TLL2: variants seen among roughly 807,000 people sequenced by gnomAD.
TLL2 encodes the protein tolloid-like protein 2.
A neutral mutation model predicts 123.0 loss-of-function variants in TLL2; 106 were observed. The observed-to-expected ratio is 0.86, with a 90% CI of 0.74 to 1.01. TLL2 has a LOEUF of 1.01. Ranked by LOEUF, TLL2 falls within the 50% of genes least tolerant of loss-of-function variation. The probability of loss-of-function intolerance (pLI) is 0.00; values close to 1 mark genes in which losing one functional copy is unlikely to be tolerated. For synonymous variants in TLL2, 494 were observed against 516.8 expected (o/e 0.96, Z 0.60); for missense variants, 1,332 against 1,336.7 (o/e 1.00, Z 0.06).
At chr10:96,487,300 C>T (rs1317202315) in intron 1 of TLL2, among the ~76,000 whole-genome samples, 2 of 152,176 alleles carry the variant, frequency 1.3e-5, no homozygotes, top group Admixed American at 6.5e-5. Context: ...CACTTTGCTC[C>T]TCCTGGTTCC....
chr10:96,392,406 A>C (rs1437884235), intron 13 of TLL2, among the ~76,000 whole-genome samples: 1 of 152,212 alleles, frequency 6.6e-6, no homozygotes, highest in Non-Finnish European at 1.5e-5. Context: ...ACTAAAAAAA[A>C]ATCATTCTGT....
intron 1 of TLL2, among the ~76,000 whole-genome samples, chr10:96,492,601 G>A (rs1352486701): frequency 6.6e-6 from 1 of 152,200 alleles, no homozygotes; most frequent in East Asian, 1.9e-4. Flanking sequence ...TCCAGCCTGG[G>A]CAACAAGAGC....
intron 10 of TLL2, among the ~76,000 whole-genome samples, chr10:96,400,243 TGA>T (rs1210328688): frequency 2.0e-5 from 3 of 151,100 alleles, no homozygotes; most frequent in African/African-American, 7.3e-5. Context: ...ACGAGAAAAC[TGA>T]GAGTCAGAGA....
Position 96,513,635 on chromosome 10 carries a change from C to T in TLL2, c.51G>A (p.Leu17=). ...LGALVSLLLL[L]PLPRGAGGLG... ...GTCCCCCGGCGCCGCGAGGCAGCGG[C>T]AGCAGCAGCAGCAGTGACACCAGGG... is the stretch of plus-strand genomic sequence containing the variant. Residue 17 remains leucine, a synonymous_variant, in exon 1 of 21, where the codon CTG becomes CTA. Transcript: ENST00000357947. 4 of 1,572,516 alleles carry T rather than the reference C, an allele frequency of 2.5e-6. No homozygotes were observed. The South Asian group carries it at 4.5e-5, about 18-fold the overall frequency.
At chr10:96,446,756 G>A (rs1184710415) in intron 2 of TLL2, among the ~76,000 whole-genome samples, 4 of 152,194 alleles carry the variant, frequency 2.6e-5, no homozygotes, top group South Asian at 2.1e-4. Flanking sequence ...ATGCTTGTAC[G>A]TGTTTGCTAG....
chr10:96,394,173 G>C (rs1846316179), intron 13 of TLL2, among the ~76,000 whole-genome samples: 2 of 152,156 alleles, frequency 1.3e-5, no homozygotes, highest in African/African-American at 4.8e-5. Context: ...AGGAGTCCTA[G>C]GAGAGGAGGG....
chr10:96,500,583 CA>C (rs1375596639), intron 1 of TLL2, among the ~76,000 whole-genome samples: 1 of 152,176 alleles, frequency 6.6e-6, no homozygotes. Context: ...CACCTGAGGT[CA>C]GGAGCTCGGG....
At chr10:96,453,639 C>T (rs1477497703) in intron 2 of TLL2, among the ~76,000 whole-genome samples, 2 of 152,058 alleles carry the variant, frequency 1.3e-5, no homozygotes, top group Admixed American at 6.5e-5. Flanking sequence ...TAGAACACTA[C>T]GTAACCTTTT....
chr10:96,445,650 G>A (rs531158372), intron 3 of TLL2, among the ~76,000 whole-genome samples: 30 of 152,256 alleles, frequency 2.0e-4, no homozygotes, highest in African/African-American at 7.0e-4. Context: ...GTCTTCAGGG[G>A]CTTCAACTCA....
chr10:96,370,147 GCCT>G lies in TLL2; in HGVS notation c.2828_2830del (p.Glu943del), dbSNP rs759428440. The G allele has an allele frequency of 9.3e-6, 15 of 1,614,006 alleles. No homozygotes were observed. The highest frequency in any genetic ancestry group is 1.3e-5 in the Non-Finnish European group (15 of 1,179,954). ...TTCCATGTAGTCGTAGCCGCAGTCGGCCTCCTCCTCAACCTCAAAGGTCCGGAA... is the reference window on the plus strand; with the variant it reads ...TTCCATGTAGTCGTAGCCGCAGTCGGCCTCCTCAACCTCAAAGGTCCGGAA... On this transcript the variant is annotated inframe_deletion, in exon 20 of 21. Transcript: ENST00000357947.
rs78759453 is a variant in TLL2, at chr10:96,443,420, A to C, written c.364+2671T>G. 1.4e-3 allele frequency among the ~76,000 whole-genome samples: 208 copies of C among 152,258 alleles called. 4 individuals are homozygous for C. The East Asian group carries it at 0.036, about 27-fold the overall frequency. ...AACTGAATGGTGACAGTCTGCATGG[A>C]GAGCAGGGCCACAAGGAGGCACACT... On this transcript the variant is annotated intron_variant, in intron 3 of 20. Transcript: ENST00000357947.
At chr10:96,451,223 A>C (rs1428823492) in intron 2 of TLL2, among the ~76,000 whole-genome samples, 1 of 152,234 alleles carries the variant, frequency 6.6e-6, no homozygotes, top group African/African-American at 2.4e-5. Context: ...TCACCTCCCA[A>C]GTTCAATTAA....
At chr10:96,417,914 TG>T (rs1170310256) in intron 7 of TLL2, among the ~76,000 whole-genome samples, 5 of 152,196 alleles carry the variant, frequency 3.3e-5, no homozygotes, top group African/African-American at 1.2e-4. Context: ...AATAAGCTGC[TG>T]TTTTAAGTCA....
chr10:96,496,036 TG>T (rs1214282484), intron 1 of TLL2, among the ~76,000 whole-genome samples: 1 of 152,200 alleles, frequency 6.6e-6, no homozygotes, highest in Non-Finnish European at 1.5e-5. Flanking sequence ...ATGAGGAAAC[TG>T]GGGTCCAAGA....
At chr10:96,509,839 C>G (rs568433369) in intron 1 of TLL2, among the ~76,000 whole-genome samples, 1 of 152,288 alleles carries the variant, frequency 6.6e-6, no homozygotes, top group South Asian at 2.1e-4. Flanking sequence ...CCCAGCTACT[C>G]GGGAGGCTGA....
At chr10:96,418,983 T>G (rs2134074266) in intron 7 of TLL2, among the ~76,000 whole-genome samples, 1 of 152,224 alleles carries the variant, frequency 6.6e-6, no homozygotes, top group East Asian at 1.9e-4. Context: ...AATTGATACT[T>G]GGTCTCTAGT....
intron 2 of TLL2, among the ~76,000 whole-genome samples, chr10:96,466,185 C>G (rs1193162009): frequency 6.6e-6 from 1 of 152,164 alleles, no homozygotes; most frequent in South Asian, 2.1e-4. Context: ...GTAGCGGGAG[C>G]TAGAGGTGGG....
intron 7 of TLL2, among the ~76,000 whole-genome samples, chr10:96,413,647 A>G (rs572573547): frequency 6.6e-6 from 1 of 152,232 alleles, no homozygotes; most frequent in East Asian, 1.9e-4. Flanking sequence ...CGGAGAGACC[A>G]CGGTGTGAAT....
chr10:96,472,587 T>C (rs1348198771), intron 2 of TLL2, among the ~76,000 whole-genome samples: 3 of 151,522 alleles, frequency 2.0e-5, no homozygotes, highest in Non-Finnish European at 4.4e-5. Context: ...CAACATGACA[T>C]CTCGTCTCCA....
Sources: gnomAD v4.1 joint callset for allele counts (sites outside exome capture counted in the v4.1 genomes callset) on GRCh38, gnomAD v4.1.1 for gene constraint, MANE v1.5 for transcripts, NCBI Gene and HGNC (gene_info 2026-07-23, HGNC 2026-07-21) for gene names.